Variants in SPATA6 observed in about 807,000 individuals in gnomAD.
SPATA6 encodes the protein spermatogenesis-associated protein 6.
A neutral mutation model predicts 65.3 loss-of-function variants in SPATA6; 56 were observed. That is an observed-to-expected ratio of 0.86 (90% confidence interval 0.69 to 1.07). The LOEUF is 1.07. Ranked by LOEUF, SPATA6 falls within the 50% of genes least tolerant of loss-of-function variation. SPATA6 has a pLI of 0.00. For synonymous variants in SPATA6, 199 were observed against 213.2 expected (o/e 0.93, Z 0.58); for missense variants, 590 against 594.8 (o/e 0.99, Z 0.08).
chr1:48,362,088 T>C (rs937969727), intron 9 of SPATA6, among the ~76,000 whole-genome samples: 1 of 152,008 alleles, frequency 6.6e-6, no homozygotes, highest in East Asian at 1.9e-4. Flanking sequence ...GTCAACAATG[T>C]AAGTGCATAT....
At chr1:48,350,548 A>G (rs1415920115) in intron 11 of SPATA6, among the ~76,000 whole-genome samples, 11 of 151,912 alleles carry the variant, frequency 7.2e-5, no homozygotes, top group African/African-American at 1.4e-4. Flanking sequence ...ACAGTTTTAC[A>G]TTGAAGATCT....
downstream of SPATA6, among the ~76,000 whole-genome samples, chr1:48,292,514 A>T (rs551010780): frequency 6.6e-6 from 1 of 152,320 alleles, no homozygotes; most frequent in African/African-American, 2.4e-5. Flanking sequence ...CTAGGGGTGC[A>T]CACAACAGGA....
At chr1:48,352,182 A>G (rs144624113) in intron 11 of SPATA6, among the ~76,000 whole-genome samples, 1 of 152,006 alleles carries the variant, frequency 6.6e-6, no homozygotes, top group Non-Finnish European at 1.5e-5. Flanking sequence ...ATGCAGAGGA[A>G]CTCCTCTTTT....
the SPATA6 span, among the ~76,000 whole-genome samples, chr1:48,280,424 A>G: frequency 1.3e-5 from 2 of 152,192 alleles, no homozygotes; most frequent in African/African-American, 4.8e-5. Flanking sequence ...AACAAAATAG[A>G]TAGACTGCTA....
chr1:48,287,625 T>A, the SPATA6 span, among the ~76,000 whole-genome samples: 1 of 152,226 alleles, frequency 6.6e-6, no homozygotes, highest in Non-Finnish European at 1.5e-5. Context: ...TCTCTCTTGC[T>A]CCCTTTCTTG....
intron 11 of SPATA6, among the ~76,000 whole-genome samples, chr1:48,315,125 T>G (rs1025761305): frequency 1.2e-4 from 18 of 152,166 alleles, no homozygotes; most frequent in African/African-American, 4.3e-4. Context: ...AAGGAGGAGC[T>G]GGTACCATTC....
At chr1:48,281,099 T>C in the SPATA6 span, among the ~76,000 whole-genome samples, 5 of 152,308 alleles carry the variant, frequency 3.3e-5, no homozygotes, top group East Asian at 1.9e-4. Context: ...ATTATCTCAA[T>C]AGATGCAGAA....
At chr1:48,372,534 C>T (rs756617956) in intron 9 of SPATA6, among the ~76,000 whole-genome samples, 10 of 152,162 alleles carry the variant, frequency 6.6e-5, no homozygotes, top group African/African-American at 1.4e-4. Flanking sequence ...CTTTTGCAGG[C>T]GCATGGTGCA....
chr1:48,328,589 A>G (rs1425169179), intron 11 of SPATA6, among the ~76,000 whole-genome samples: 1 of 152,032 alleles, frequency 6.6e-6, no homozygotes, highest in African/African-American at 2.4e-5. Context: ...GCTGCTTAGG[A>G]GTGGAGGAGA....
intron 1 of SPATA6, among the ~76,000 whole-genome samples, chr1:48,461,775 T>C (rs925680531): frequency 3.3e-5 from 5 of 152,250 alleles, no homozygotes; most frequent in Non-Finnish European, 7.4e-5. Flanking sequence ...CCATTGTGGA[T>C]GTCAGTGTGG....
At chr1:48,356,857 GT>G (rs1646676294) in intron 10 of SPATA6, among the ~76,000 whole-genome samples, 1 of 151,984 alleles carries the variant, frequency 6.6e-6, no homozygotes, top group Non-Finnish European at 1.5e-5. Context: ...CAGGATAAAT[GT>G]TTTATACAAT....
At chr1:48,428,822 T>TA (rs1570546167) in intron 3 of SPATA6, among the ~76,000 whole-genome samples, 1 of 145,162 alleles carries the variant, frequency 6.9e-6, no homozygotes, top group East Asian at 2.0e-4. Flanking sequence ...TATGTATATA[T>TA]ATGTGTGTAT....
At chr1:48,326,302 A>G (rs2148716215) in intron 11 of SPATA6, among the ~76,000 whole-genome samples, 1 of 152,336 alleles carries the variant, frequency 6.6e-6, no homozygotes, top group African/African-American at 2.4e-5. Flanking sequence ...TTAACCAAGG[A>G]GGTGAAAGAA....
At chr1:48,349,652 T>C (rs1289912295) in intron 11 of SPATA6, among the ~76,000 whole-genome samples, 8 of 151,936 alleles carry the variant, frequency 5.3e-5, no homozygotes, top group Admixed American at 4.6e-4. Flanking sequence ...TGGTCTCTTT[T>C]GTAGTCAACA....
At chr1:48,288,119 C>T in the SPATA6 span, among the ~76,000 whole-genome samples, 2 of 152,242 alleles carry the variant, frequency 1.3e-5, no homozygotes, top group South Asian at 4.1e-4. Flanking sequence ...TTTTTGTATG[C>T]TGAACCATCC....
At chr1:48,277,965 G>A in the SPATA6 span, among the ~76,000 whole-genome samples, 3 of 152,118 alleles carry the variant, frequency 2.0e-5, no homozygotes, top group Non-Finnish European at 2.9e-5. Context: ...ACATGGCCAG[G>A]TACTCCTCTG....
intron 3 of SPATA6, among the ~76,000 whole-genome samples, chr1:48,447,574 A>C (rs1335839386): frequency 6.6e-6 from 1 of 152,156 alleles, no homozygotes; most frequent in African/African-American, 2.4e-5. Flanking sequence ...CGGCACCCCT[A>C]ACTCCCATCT....
At chr1:48,351,573 G>A (rs1032543956) in intron 11 of SPATA6, among the ~76,000 whole-genome samples, 31 of 152,040 alleles carry the variant, frequency 2.0e-4, no homozygotes, top group Middle Eastern at 3.4e-3. Flanking sequence ...TAAGAAATAT[G>A]CTTTTTCTTA....
At chr1:48,375,160 T>C (rs1400700674) in intron 9 of SPATA6, among the ~76,000 whole-genome samples, 2 of 152,284 alleles carry the variant, frequency 1.3e-5, no homozygotes, top group East Asian at 1.9e-4. Flanking sequence ...GTGAACTGGG[T>C]CTTGGTACTG....
Sources: gnomAD v4.1 joint callset for allele counts (sites outside exome capture counted in the v4.1 genomes callset) on GRCh38, gnomAD v4.1.1 for gene constraint, MANE v1.5 for transcripts, NCBI Gene and HGNC (gene_info 2026-07-23, HGNC 2026-07-21) for gene names.